Variants in CDH10 observed in about 807,000 individuals in gnomAD.
CDH10 encodes the protein cadherin-10.
In CDH10, 30 loss-of-function variants were observed where a neutral mutation model predicts 73.1. The ratio of observed to expected loss-of-function variants is 0.41; its 90% CI spans 0.31 to 0.56. The LOEUF is 0.56. Ranked by LOEUF, CDH10 falls within the 20% of genes least tolerant of loss-of-function variation. CDH10 has a pLI of 0.27. For missense variants in CDH10, 815 were observed against 973.7 expected (o/e 0.84, Z 2.17); for synonymous variants, 345 against 348.2 (o/e 0.99, Z 0.10).
intron 2 of CDH10, among the ~76,000 whole-genome samples, chr5:24,589,082 G>A (rs1561183094): frequency 1.3e-5 from 2 of 152,146 alleles, no homozygotes; most frequent in Non-Finnish European, 2.9e-5. Flanking sequence ...CTGTCTTTGA[G>A]CAGAGAGCTT....
chr5:24,531,875 C>T (rs1024210456), intron 5 of CDH10, among the ~76,000 whole-genome samples: 1 of 152,158 alleles, frequency 6.6e-6, no homozygotes, highest in African/African-American at 2.4e-5. Context: ...ATCAAAATTT[C>T]TCACTTAGAT....
At chr5:24,559,151 G>A (rs1273547557) in intron 2 of CDH10, among the ~76,000 whole-genome samples, 2 of 151,626 alleles carry the variant, frequency 1.3e-5, no homozygotes, top group African/African-American at 4.8e-5. Flanking sequence ...TCAGGAAATA[G>A]GTATTATAGG....
chr5:24,614,131 C>T (rs1123116), intron 1 of CDH10, among the ~76,000 whole-genome samples: 24 of 152,104 alleles, frequency 1.6e-4, no homozygotes, highest in Non-Finnish European at 3.1e-4. Flanking sequence ...AGTGTCATTA[C>T]ATATCTATAA....
At chr5:24,570,893 T>A (rs1210459806) in intron 2 of CDH10, among the ~76,000 whole-genome samples, 1 of 152,120 alleles carries the variant, frequency 6.6e-6, no homozygotes, top group Non-Finnish European at 1.5e-5. Context: ...ATGACCCGGC[T>A]AGACTCACTT....
At chr5:24,536,397 A>G (rs1743954989) in intron 3 of CDH10, among the ~76,000 whole-genome samples, 1 of 152,080 alleles carries the variant, frequency 6.6e-6, no homozygotes, top group Admixed American at 6.6e-5. Flanking sequence ...TAATGAAGTA[A>G]ATATTAAATA....
intron 1 of CDH10, 130 bp downstream of exon 1, chr5:24,644,464 T>TAA (rs1748150933): frequency 1.3e-5 from 2 of 152,102 alleles, no homozygotes; most frequent in Admixed American, 6.6e-5. Context: ...TAAAGATAAT[T>TAA]ATTTTGAAAT....
At position 24,528,650 on chromosome 5, in the gene CDH10, A is replaced by T. The variant is rs79582817; in HGVS notation, c.814+6462T>A. ...TTGGATATTGCAAAAGCACCAAGCA[A>T]TAAAAGTATGATTTACCTGTCTCTG... is the stretch of plus-strand genomic sequence containing the variant. On this transcript the variant is annotated intron_variant, in intron 5 of 11. Coordinates refer to ENST00000264463, the MANE Select transcript of CDH10 (RefSeq NM_006727.5). Among the ~76,000 whole-genome samples, 263 of 152,156 alleles carry T rather than the reference A, an allele frequency of 1.7e-3. 7 individuals carry two copies. The East Asian group carries it at 0.043, about 25-fold the overall frequency.
chr5:24,563,765 C>A (rs1402950020), intron 2 of CDH10, among the ~76,000 whole-genome samples: 5 of 97,224 alleles, frequency 5.1e-5, no homozygotes, highest in East Asian at 3.1e-4. Flanking sequence ...CGAGACTCCG[C>A]CCCCTCCACC....
At chr5:24,521,046 A>G (rs1468995826) in intron 5 of CDH10, among the ~76,000 whole-genome samples, 1 of 152,148 alleles carries the variant, frequency 6.6e-6, no homozygotes, top group Non-Finnish European at 1.5e-5. Flanking sequence ...TATGGGTAGC[A>G]TTCCTGGCAC....
At chr5:24,557,632 G>A (rs947226301) in intron 2 of CDH10, among the ~76,000 whole-genome samples, 4 of 151,676 alleles carry the variant, frequency 2.6e-5, no homozygotes, top group East Asian at 3.9e-4. Flanking sequence ...ATGAATTCAC[G>A]ATGCTTATTT....
intron 5 of CDH10, among the ~76,000 whole-genome samples, chr5:24,513,151 TG>T (rs1742984349): frequency 6.6e-6 from 1 of 151,986 alleles, no homozygotes; most frequent in Admixed American, 6.6e-5. Flanking sequence ...CCTGAGTAGA[TG>T]GGACTATAGG....
At chr5:24,602,634 T>C (rs540498425) in intron 1 of CDH10, among the ~76,000 whole-genome samples, 2 of 152,298 alleles carry the variant, frequency 1.3e-5, no homozygotes, top group South Asian at 4.1e-4. Flanking sequence ...TGTGTGTATA[T>C]GTGTATATGT....
chr5:24,493,002 T>G, intron 9 of CDH10, 77 bp from the exon 10 acceptor site: 1 of 672,872 alleles, frequency 1.5e-6, no homozygotes, highest in Non-Finnish European at 2.7e-6. Context: ...ATCTTCATTT[T>G]GTCTGAAGTT....
intron 1 of CDH10, among the ~76,000 whole-genome samples, chr5:24,626,919 T>C (rs115786989): frequency 0.016 from 2,381 of 150,230 alleles, 62 homozygotes; most frequent in African/African-American, 0.054. Flanking sequence ...AGTGTATATA[T>C]ATAATTTTAT....
At chr5:24,620,008 G>A (rs1446753873) in intron 1 of CDH10, among the ~76,000 whole-genome samples, 2 of 152,066 alleles carry the variant, frequency 1.3e-5, no homozygotes, top group Non-Finnish European at 2.9e-5. Flanking sequence ...TCACCATTGA[G>A]GTTTGTTCAC....
intron 2 of CDH10, among the ~76,000 whole-genome samples, chr5:24,577,655 T>C (rs1745653232): frequency 6.6e-6 from 1 of 152,212 alleles, no homozygotes; most frequent in South Asian, 2.1e-4. Context: ...TGATTTAATT[T>C]ATGAATTTCC....
At chr5:24,572,454 G>C (rs1745419695) in intron 2 of CDH10, among the ~76,000 whole-genome samples, 1 of 152,032 alleles carries the variant, frequency 6.6e-6, no homozygotes. Context: ...GACACGGGGA[G>C]AGGATTTCTG....
intron 1 of CDH10, 21 bp from the exon 2 acceptor site, chr5:24,593,634 A>T: frequency 1.8e-6 from 1 of 551,688 alleles, no homozygotes; most frequent in Admixed American, 3.5e-5. Context: ...ACAAACAAAC[A>T]AAAAAAGTTA....
intron 1 of CDH10, among the ~76,000 whole-genome samples, chr5:24,609,182 T>C (rs1000248041): frequency 7.9e-5 from 12 of 152,154 alleles, no homozygotes; most frequent in Non-Finnish European, 7.4e-5. Flanking sequence ...GGGGAAACCA[T>C]TACGGATTCT....
Sources: gnomAD v4.1 joint callset for allele counts (sites outside exome capture counted in the v4.1 genomes callset) on GRCh38, gnomAD v4.1.1 for gene constraint, MANE v1.5 for transcripts, NCBI Gene and HGNC (gene_info 2026-07-23, HGNC 2026-07-21) for gene names.